Variants in AP4B1 observed in about 807,000 individuals in gnomAD.
AP4B1 encodes AP-4 complex subunit beta-1.
Under a neutral mutation model 76.5 loss-of-function variants are expected in AP4B1, and 49 were observed. The observed-to-expected ratio is 0.64, with a 90% CI of 0.51 to 0.81. AP4B1 has a LOEUF of 0.81. AP4B1 is among the 40% of genes least tolerant of loss of function. The pLI, the probability that AP4B1 is intolerant of heterozygous loss-of-function variation, is 0.00. For missense variants in AP4B1, 911 were observed against 904.9 expected (o/e 1.01, Z -0.09); for synonymous variants, 330 against 333.3 (o/e 0.99, Z 0.11).
At chr1:113,902,543 A>C in intron 2 of AP4B1, 95 bp downstream of exon 2, 1 of 1,258,010 alleles carries the variant, frequency 7.9e-7, no homozygotes, top group African/African-American at 1.5e-5. Flanking sequence ...CCCCAGTATT[A>C]AGGAGCTCAA....
chr1:113,899,750 C>T (rs1667969623), intron 5 of AP4B1, 154 bp downstream of exon 5: 3 of 1,217,604 alleles, frequency 2.5e-6, no homozygotes, highest in Admixed American at 4.2e-5. Context: ...AAACTCTCTT[C>T]CCCCGTGTTT....
At chr1:113,899,315 C>T in intron 5 of AP4B1, 2 of 1,016,624 alleles carry the variant, frequency 2.0e-6, no homozygotes, top group African/African-American at 3.5e-5. Context: ...TGAGTCACTC[C>T]AGCCTTTCAA....
chr1:113,897,320 A>G (rs556523430), intron 7 of AP4B1: 8 of 171,016 alleles, frequency 4.7e-5, no homozygotes, highest in Non-Finnish European at 8.9e-5. Flanking sequence ...AGCGGGGCAC[A>G]GTGGCTTATG....
chr1:113,900,656 G>A (rs1668127508), intron 4 of AP4B1: 1 of 523,782 alleles, frequency 1.9e-6, no homozygotes, highest in Non-Finnish European at 3.4e-6. Flanking sequence ...CTGGGTCCAG[G>A]TTCCTTACAT....
intron 7 of AP4B1, chr1:113,896,771 A>C (rs1263700621): frequency 1.2e-5 from 5 of 431,422 alleles, no homozygotes; most frequent in African/African-American, 8.0e-5. Flanking sequence ...GAAGCTGCTC[A>C]AAGAATTTCT....
At chr1:113,904,327 G>C (rs1202858363) in intron 1 of AP4B1, among the ~76,000 whole-genome samples, 1 of 152,106 alleles carries the variant, frequency 6.6e-6, no homozygotes, top group Non-Finnish European at 1.5e-5. Flanking sequence ...GGGATACGTG[G>C]GTCTGAAGCT....
rs1571525008 is a variant in AP4B1 at position 113,894,979 on chromosome 1, A to G, written c.*86T>C. The G allele has an allele frequency of 1.4e-6, 2 of 1,398,486 alleles. No homozygotes were observed. Among genetic ancestry groups the G allele is most frequent in the Non-Finnish European group, 9.8e-7 (1 of 1,015,958 alleles). The allele number at this position is 1,398,486 out of a possible 1,614,324, so 86.6% of individuals were successfully genotyped here. A position where few individuals can be genotyped will look rare whatever the true frequency, so the allele number is the denominator to read the frequency against. On this transcript the variant is annotated 3_prime_UTR_variant, in exon 10 of 10. Transcript: ENST00000369569. Reference sequence around the variant, plus strand: ...TCCACTCTCCTTTGTATCTGATATTATCTGGACTTACTGGCAGCTCTAATA... The same window carrying G: ...TCCACTCTCCTTTGTATCTGATATTGTCTGGACTTACTGGCAGCTCTAATA...
Position 113,897,947 on chromosome 1 carries a change from C to T in AP4B1, c.1199-4G>A. On this transcript the variant is annotated splice_region_variant and splice_polypyrimidine_tract_variant and intron_variant, in intron 6 of 9. Coordinates refer to ENST00000369569, the MANE Select transcript of AP4B1 (RefSeq NM_001253852.3). ...TCTCGGAAAGTCTGCACCACCACTA[C>T]AATACAGGCCAGGGTACAAGAGCAC... is the stretch of plus-strand genomic sequence containing the variant. 1 of 1,614,154 alleles carries T rather than the reference C, an allele frequency of 6.2e-7. No individual in the cohort carries two copies. Among genetic ancestry groups the T allele is most frequent in the Non-Finnish European group, 8.5e-7 (1 of 1,180,040 alleles).
intron 6 of AP4B1, 128 bp downstream of exon 6, chr1:113,898,590 A>G (rs1667786361): frequency 1.3e-6 from 1 of 797,086 alleles, no homozygotes; most frequent in Non-Finnish European, 2.2e-6. Flanking sequence ...TCTAACAGCA[A>G]CAGATGATGA....
rs1458286647 is a variant in AP4B1, at chr1:113,902,875, C to A, written c.114-13G>T. On this transcript the variant is annotated splice_polypyrimidine_tract_variant and intron_variant, in intron 1 of 9. Transcript: ENST00000369569. The stretch of plus-strand genomic sequence containing the variant: ...TTGAGTCATGTACCTGAACAACGCA[C>A]ATGACAGAAGGAAGTAAAATGCAAA... The A allele has an allele frequency of 6.2e-7, 1 of 1,613,318 alleles. No homozygotes were observed. The highest frequency in any genetic ancestry group is 1.7e-5 in the Admixed American group (1 of 60,002).
chr1:113,895,421 G>C lies in AP4B1; in HGVS notation c.1864C>G (p.Pro622Ala). Residue 622 changes from proline to alanine, a missense_variant, in exon 10 of 10, where the codon CCC becomes GCC. By Grantham distance (27) the Pro-to-Ala change is conservative. Coordinates refer to ENST00000369569, the MANE Select transcript of AP4B1 (RefSeq NM_001253852.3). ...TAATCAGCAGTAAGCTGGCGATTGG[G>C]GACTAGCATGAGGGCTCCAGAATCA... ...LPDSGALMLV[P>A]NRQLTADYFE... 1 of 1,614,176 alleles carries C rather than the reference G, an allele frequency of 6.2e-7. No homozygotes were observed. Among genetic ancestry groups the C allele is most frequent in the Non-Finnish European group, 8.5e-7 (1 of 1,180,036 alleles).
In AP4B1 at chr1:113,901,235, C is replaced by T; in HGVS notation, c.617+1G>A. 1 of 1,614,126 alleles carries T rather than the reference C, an allele frequency of 6.2e-7. No individual in the cohort carries two copies. Among genetic ancestry groups the T allele is most frequent in the Non-Finnish European group, 8.5e-7 (1 of 1,180,012 alleles). ...TAAAAAGAGTGCTGAGGCATCCAAA[C>T]CGATTTAAGAGATGGTGAGCAATGG... On this transcript the variant is annotated splice_donor_variant, in intron 4 of 9. Transcript: ENST00000369569. LOFTEE classifies it high-confidence loss of function.
At chr1:113,897,807 C>G (rs1667683374) in intron 7 of AP4B1, 33 bp downstream of exon 7, 2 of 1,605,028 alleles carry the variant, frequency 1.2e-6, no homozygotes. Context: ...GCATTCTCCC[C>G]CTACCTAGAA....
intron 4 of AP4B1, 119 bp from the exon 5 acceptor site, chr1:113,900,519 G>A: frequency 8.1e-7 from 1 of 1,228,304 alleles, no homozygotes; most frequent in Non-Finnish European, 1.1e-6. Context: ...TTAAAAATAG[G>A]CTGTGCCATA....
chr1:113,899,415 G>A (rs1667927996), intron 5 of AP4B1: 1 of 915,410 alleles, frequency 1.1e-6, no homozygotes, highest in African/African-American at 1.8e-5. Context: ...GCCCATAGCA[G>A]AAGCTCAATA....
At chr1:113,899,113 G>T in intron 5 of AP4B1, 1 of 1,184,628 alleles carries the variant, frequency 8.4e-7, no homozygotes, top group South Asian at 2.0e-5. Flanking sequence ...TACCCTTTTT[G>T]TTGCAGCACA....
upstream of AP4B1, chr1:113,905,016 G>A (rs1350303810): frequency 2.3e-6 from 1 of 428,144 alleles, no homozygotes; most frequent in South Asian, 2.1e-5. Context: ...GATTTCCAGC[G>A]CCGCGTCCGA....
intron 5 of AP4B1, chr1:113,899,686 C>T: frequency 1.5e-6 from 1 of 686,672 alleles, no homozygotes; most frequent in Non-Finnish European, 2.4e-6. Context: ...TATTCTCCAT[C>T]CTGGAAGATA....
At chr1:113,901,120 T>G (rs1668193778) in intron 4 of AP4B1, 116 bp downstream of exon 4, 1 of 1,358,498 alleles carries the variant, frequency 7.4e-7, no homozygotes, top group Non-Finnish European at 1.0e-6. Context: ...ATAATAATAA[T>G]AATAATGGTT....
Sources: allele counts gnomAD v4.1 joint callset (sites outside exome capture counted in the v4.1 genomes callset), GRCh38; gene constraint gnomAD v4.1.1; transcripts MANE v1.5; gene names NCBI Gene and HGNC (gene_info 2026-07-23, HGNC 2026-07-21).